The following NID2 variants were observed in gnomAD, a reference collection of about 807,000 sequenced individuals.
NID2 encodes the protein nidogen 2.
NID2 carries 83 observed loss-of-function variants against 145.4 expected under a neutral mutation model. That is an observed-to-expected ratio of 0.57 (90% CI 0.48 to 0.69). NID2 has a LOEUF of 0.69. Ranked by LOEUF, NID2 falls within the 30% of genes least tolerant of loss-of-function variation. NID2 has a pLI of 0.00. For synonymous variants in NID2, 739 were observed against 701.3 expected (o/e 1.05, Z -0.85); for missense variants, 1,807 against 1,765.7 (o/e 1.02, Z -0.42).
intron 10 of NID2, among the ~76,000 whole-genome samples, 163 bp downstream of exon 10, chr14:52,029,384 T>C (rs1891714888): frequency 6.6e-6 from 1 of 152,234 alleles, no homozygotes; most frequent in Non-Finnish European, 1.5e-5. Flanking sequence ...TAAACAGCTA[T>C]GCTTTAATTT....
At chr14:52,052,361 C>A (rs1892707326) in intron 5 of NID2, among the ~76,000 whole-genome samples, 1 of 152,190 alleles carries the variant, frequency 6.6e-6, no homozygotes, top group Non-Finnish European at 1.5e-5. Context: ...GTAACAGCAG[C>A]CACTATTTAT....
At chr14:52,067,748 A>G (rs1595061602) in intron 2 of NID2, 110 bp downstream of exon 2, 1 of 1,279,536 alleles carries the variant, frequency 7.8e-7, no homozygotes. Context: ...GGTCAGGTTC[A>G]GCGCAAGAGT....
In NID2 at chr14:52,028,921, A is replaced by C. The variant is rs975719102; in HGVS notation, c.2402-71T>G. 5 of 1,515,386 alleles carry C rather than the reference A, an allele frequency of 3.3e-6. No homozygotes were observed. The African/African-American group carries it at 5.6e-5, about 17-fold the overall frequency. The allele number at this position is 1,515,386 out of a possible 1,614,324, so 93.9% of individuals were successfully genotyped here. A position where few individuals can be genotyped will look rare whatever the true frequency, so the allele number is the denominator to read the frequency against. On this transcript the variant is annotated intron_variant, in intron 10 of 21. Coordinates refer to ENST00000216286, the MANE Select transcript of NID2 (RefSeq NM_007361.4). ...CCAGAAGTGGAGGGTCTAAAAACTC[A>C]ATGTTTTCTCACTAGTATGATGCTT...
At chr14:52,033,148 C>T (rs1891931856) in intron 9 of NID2, among the ~76,000 whole-genome samples, 1 of 152,194 alleles carries the variant, frequency 6.6e-6, no homozygotes, top group Non-Finnish European at 1.5e-5. Context: ...AAGTAAAGAA[C>T]ACAGTATCCT....
chr14:52,018,906 A>G (rs1310180163), intron 14 of NID2, among the ~76,000 whole-genome samples, 155 bp downstream of exon 14: 2 of 152,238 alleles, frequency 1.3e-5, no homozygotes, highest in Non-Finnish European at 2.9e-5. Context: ...TGACACAAAC[A>G]TGCATATTTG....
At chr14:52,019,751 A>G (rs949021473) in intron 13 of NID2, among the ~76,000 whole-genome samples, 1 of 152,202 alleles carries the variant, frequency 6.6e-6, no homozygotes, top group Non-Finnish European at 1.5e-5. Flanking sequence ...GCTCTGCTTA[A>G]TAAGCTTGAT....
At chr14:52,047,811 G>T (rs1434674568) in intron 5 of NID2, among the ~76,000 whole-genome samples, 1 of 152,086 alleles carries the variant, frequency 6.6e-6, no homozygotes, top group East Asian at 1.9e-4. Flanking sequence ...ATTCACCAAG[G>T]GGTGAATAAC....
At chr14:52,067,267 T>C (rs1234430021) in intron 2 of NID2, among the ~76,000 whole-genome samples, 2 of 152,256 alleles carry the variant, frequency 1.3e-5, no homozygotes, top group Non-Finnish European at 2.9e-5. Context: ...TGCATCATTA[T>C]AAATGATGTA....
intron 5 of NID2, among the ~76,000 whole-genome samples, chr14:52,051,262 A>G (rs1318343806): frequency 6.6e-6 from 1 of 152,234 alleles, no homozygotes; most frequent in Non-Finnish European, 1.5e-5. Context: ...TAGCAAGATG[A>G]CTACCCTAAA....
In NID2 at chr14:52,068,798, T is replaced by C. The variant is rs1325132881; in HGVS notation, c.197A>G (p.His66Arg). The C allele has an allele frequency of 3.1e-6, 5 of 1,607,950 alleles. No individual in the cohort carries two copies. The highest frequency in any genetic ancestry group is 4.2e-6 in the Non-Finnish European group (5 of 1,179,918). Reference protein sequence around the residue: ...SAVVKLANPLHFYEARFSNLY... With the variant: ...SAVVKLANPLRFYEARFSNLY... ...GTTGCTGAATCGGGCTTCGTAGAAG[T>C]GCAGGGGATTCGCCAGCTTCACCAC... The change falls in exon 1 of 22, where the codon CAC becomes CGC. Residue 66 changes from histidine to arginine, a missense_variant. His to Arg is a conservative substitution (Grantham distance 29). Coordinates refer to ENST00000216286, the MANE Select transcript of NID2 (RefSeq NM_007361.4).
At chr14:52,048,972 C>A (rs1224470546) in intron 5 of NID2, among the ~76,000 whole-genome samples, 2 of 152,098 alleles carry the variant, frequency 1.3e-5, no homozygotes, top group Non-Finnish European at 2.9e-5. Context: ...AGTTTCTAGT[C>A]CATGGCCTCC....
In NID2 at chr14:52,030,652, A is replaced by G. The variant is rs565155496; in HGVS notation, c.2258-962T>C. Among the ~76,000 whole-genome samples the G allele has an allele frequency of 6.8e-5, 10 of 147,412 alleles. No individual in the cohort carries two copies. In the East Asian group the frequency reaches 1.7e-3, roughly 26 times the overall value. ...AGAAAGAAAGAGAAAGAAAAAGAGA[A>G]AGAAAGAAAGAAAAAGAAAAGAAAG... On this transcript the variant is annotated intron_variant, in intron 9 of 21. Transcript: ENST00000216286.
chr14:52,018,719 T>G (rs1166989307), intron 14 of NID2, among the ~76,000 whole-genome samples: 1 of 152,250 alleles, frequency 6.6e-6, no homozygotes, highest in African/African-American at 2.4e-5. Context: ...AACGCCAGTC[T>G]GGCCAGATCT....
intron 12 of NID2, among the ~76,000 whole-genome samples, chr14:52,020,444 AAAAC>A (rs1891361646): frequency 6.6e-6 from 1 of 152,248 alleles, no homozygotes; most frequent in Admixed American, 6.5e-5. Flanking sequence ...CTCACAGAAA[AAAAC>A]AACACATCTT....
chr14:52,015,409 C>G (rs186081613), intron 14 of NID2, 134 bp from the exon 15 acceptor site: 1 of 740,178 alleles, frequency 1.4e-6, no homozygotes, highest in Non-Finnish European at 2.2e-6. Context: ...CAGCCAAGCC[C>G]GTGGACACCA....
chr14:52,014,708 T>G (rs1362624926), intron 15 of NID2, among the ~76,000 whole-genome samples: 3 of 151,650 alleles, frequency 2.0e-5, no homozygotes, highest in African/African-American at 7.3e-5. Flanking sequence ...CAGAACAGAT[T>G]TTTTTTTCAA....
At chr14:52,043,050 G>A in intron 5 of NID2, 119 bp from the exon 6 acceptor site, 1 of 930,932 alleles carries the variant, frequency 1.1e-6, no homozygotes, top group South Asian at 1.7e-5. Flanking sequence ...AGTTTTTGAT[G>A]TTTAAGAGAC....
At chr14:52,065,277 C>A (rs1497083) in intron 2 of NID2, among the ~76,000 whole-genome samples, 59,493 of 151,894 alleles carry the variant, frequency 0.39, 12,932 homozygotes, top group East Asian at 0.56. Flanking sequence ...GTAAGCCAAA[C>A]TTTAAGAACG....
intron 5 of NID2, among the ~76,000 whole-genome samples, chr14:52,043,832 C>T (rs944912727): frequency 1.3e-5 from 2 of 152,064 alleles, no homozygotes; most frequent in Non-Finnish European, 2.9e-5. Context: ...TTCTCCGGGG[C>T]ACTAGGAAAT....
Sources: gnomAD v4.1 joint callset for allele counts (sites outside exome capture counted in the v4.1 genomes callset) on GRCh38, gnomAD v4.1.1 for gene constraint, MANE v1.5 for transcripts, NCBI Gene and HGNC (gene_info 2026-07-23, HGNC 2026-07-21) for gene names.